The following SUMF1 variants were observed in gnomAD, a reference collection of about 807,000 sequenced individuals.
The protein encoded by SUMF1 is formylglycine-generating enzyme.
A neutral mutation model predicts 47.6 loss-of-function variants in SUMF1; 48 were observed. The ratio of observed to expected loss-of-function variants is 1.01; its 90% CI spans 0.80 to 1.28. The LOEUF (loss-of-function observed/expected upper bound fraction) is 1.28, where lower values mean the gene tolerates loss of function less well. Among genes scored for constraint, SUMF1 ranks in the 50% most tolerant of loss-of-function variants. The pLI, the probability that SUMF1 is intolerant of heterozygous loss-of-function variation, is 0.00. For missense variants in SUMF1, 571 were observed against 485.4 expected, an observed-to-expected ratio of 1.18 and a Z score of -1.66; for synonymous variants, 230 against 192.1, an observed-to-expected ratio of 1.20 and a Z score of -1.63.
intron 8 of SUMF1, chr3:4,313,754 C>G (rs149255014): frequency 6.2e-7 from 1 of 1,614,016 alleles, no homozygotes; most frequent in South Asian, 1.1e-5. Flanking sequence ...AAGCGATTGA[C>G]CCTTGAGGTG....
At chr3:4,364,080 G>C (rs929287102) in intron 8 of SUMF1, among the ~76,000 whole-genome samples, 10 of 133,838 alleles carry the variant, frequency 7.5e-5, no homozygotes, top group African/African-American at 2.7e-4. Flanking sequence ...AAGCCCACTT[G>C]ATCATGGTGG....
At chr3:4,238,388 C>T (rs1216245719) in intron 8 of SUMF1, among the ~76,000 whole-genome samples, 1 of 152,144 alleles carries the variant, frequency 6.6e-6, no homozygotes, top group African/African-American at 2.4e-5. Context: ...TTTACACTCC[C>T]ACCAACAGTG....
At chr3:4,132,339 C>A (rs1440313327) in intron 8 of SUMF1, among the ~76,000 whole-genome samples, 2 of 152,064 alleles carry the variant, frequency 1.3e-5, no homozygotes, top group Non-Finnish European at 2.9e-5. Flanking sequence ...TGTTCCCCAT[C>A]ATTCTGAAGC....
chr3:4,036,768 A>C (rs1425930477), intron 9 of SUMF1, among the ~76,000 whole-genome samples: 1 of 149,016 alleles, frequency 6.7e-6, no homozygotes, highest in African/African-American at 2.5e-5. Flanking sequence ...CTTTGCTTTA[A>C]ATTTTTTTTC....
At chr3:4,396,433 G>A (rs1701040444) in intron 7 of SUMF1, among the ~76,000 whole-genome samples, 2 of 152,340 alleles carry the variant, frequency 1.3e-5, no homozygotes, top group Non-Finnish European at 1.5e-5. Flanking sequence ...TCCACAGGAT[G>A]AGCCCAGGCA....
chr3:4,281,068 A>G (rs535598304), intron 8 of SUMF1, among the ~76,000 whole-genome samples: 1 of 152,258 alleles, frequency 6.6e-6, no homozygotes, highest in East Asian at 1.9e-4. Context: ...AAATCAATCC[A>G]TAACAGCTTG....
chr3:4,184,134 C>T (rs1283586061), intron 8 of SUMF1, among the ~76,000 whole-genome samples: 1 of 146,798 alleles, frequency 6.8e-6, no homozygotes, highest in Non-Finnish European at 1.5e-5. Context: ...GACCCTGTCT[C>T]GAAAAAAAAT....
At chr3:4,085,878 T>C (rs1164887758) in intron 8 of SUMF1, among the ~76,000 whole-genome samples, 1 of 152,112 alleles carries the variant, frequency 6.6e-6, no homozygotes, top group Non-Finnish European at 1.5e-5. Flanking sequence ...TGATTTGATA[T>C]TGTTATCAAT....
intron 8 of SUMF1, among the ~76,000 whole-genome samples, chr3:4,069,115 G>A (rs711676): frequency 0.82 from 125,441 of 152,168 alleles, 53,049 homozygotes; most frequent in Middle Eastern, 0.94. Context: ...CCATTGTTAT[G>A]ACACTGTCCT....
At chr3:4,167,435 A>AGTGCTGATTGGTCCATTTTACAGG (rs1694733536) in intron 8 of SUMF1, among the ~76,000 whole-genome samples, 2 of 152,074 alleles carry the variant, frequency 1.3e-5, no homozygotes, top group Admixed American at 6.6e-5. Flanking sequence ...CATTTTACAG[A>AGTGCTGATTGGTCCATTTTACAGG]GTGCTGATTG....
Position 4,129,754 on chromosome 3 carries a change from CA to C in SUMF1, c.1015-61010del, listed in dbSNP as rs1693741898. Among the ~76,000 whole-genome samples, 4 of 152,084 alleles carry C rather than the reference CA, an allele frequency of 2.6e-5. 1 individual carries two copies. The South Asian group carries it at 8.3e-4, about 32-fold the overall frequency. On this transcript the variant is annotated intron_variant and NMD_transcript_variant, in intron 8 of 12. Coordinates refer to the SUMF1 transcript ENST00000448413. Reference sequence around the variant, plus strand: ...GAGCTGACGCTGATTCCAGGGGAAACAAAACGTCATTGTGGTCCTCCAGTTA... The same window carrying C: ...GAGCTGACGCTGATTCCAGGGGAAACAAACGTCATTGTGGTCCTCCAGTTA...
intron 8 of SUMF1, among the ~76,000 whole-genome samples, chr3:4,091,207 T>C (rs2125053092): frequency 6.6e-6 from 1 of 152,256 alleles, no homozygotes; most frequent in East Asian, 1.9e-4. Context: ...TCAATTAGTT[T>C]CATTATACAT....
At chr3:4,424,415 C>CTCACATTCCACATGACTGTGGA (rs1702001421) in intron 3 of SUMF1, among the ~76,000 whole-genome samples, 5 of 152,168 alleles carry the variant, frequency 3.3e-5, no homozygotes, top group African/African-American at 9.6e-5. Context: ...ATGAGGTGCA[C>CTCACATTCCACATGACTGTGGA]GGTAAGATGG....
At chr3:4,192,804 C>G (rs748830766) in intron 8 of SUMF1, among the ~76,000 whole-genome samples, 6 of 152,048 alleles carry the variant, frequency 3.9e-5, no homozygotes, top group Admixed American at 6.6e-5. Context: ...ATTAATCATG[C>G]CTTTGTAATG....
At chr3:4,249,077 G>A (rs997510344) in intron 8 of SUMF1, among the ~76,000 whole-genome samples, 8 of 152,096 alleles carry the variant, frequency 5.3e-5, no homozygotes, top group South Asian at 2.1e-4. Flanking sequence ...GAGGCACATG[G>A]GGTCACCTGC....
chr3:4,096,953 A>G (rs898342694), intron 8 of SUMF1, among the ~76,000 whole-genome samples: 1 of 152,116 alleles, frequency 6.6e-6, no homozygotes, highest in Non-Finnish European at 1.5e-5. Context: ...ATTCCTGGCA[A>G]CGAAATGAAA....
chr3:4,362,104 C>A lies in SUMF1; in HGVS notation c.*40G>T, dbSNP rs1368408595. 6.3e-7 allele frequency: 1 copy of A among 1,585,398 alleles called. No individual in the cohort carries two copies. Among genetic ancestry groups the A allele is most frequent in the Admixed American group, 1.7e-5 (1 of 59,958 alleles). On this transcript the variant is annotated 3_prime_UTR_variant, in exon 9 of 9. Transcript: ENST00000272902. ...TGAGAAAAGCCCAATGTAGGTCAGA[C>A]ACGACTGCTCCTTGGACTGGGGAAG...
intron 8 of SUMF1, among the ~76,000 whole-genome samples, chr3:4,300,691 TA>T (rs1030131367): frequency 4.0e-4 from 61 of 152,256 alleles, no homozygotes; most frequent in African/African-American, 1.4e-3. Flanking sequence ...AGCAAGTCAC[TA>T]AAAAATGTTT....
intron 8 of SUMF1, among the ~76,000 whole-genome samples, chr3:4,146,404 G>A (rs898058039): frequency 1.6e-5 from 2 of 125,248 alleles, no homozygotes; most frequent in African/African-American, 3.2e-5. Context: ...AGAGAGAGGC[G>A]AGGGGGGGAA....
Sources: gnomAD v4.1 joint callset for allele counts (sites outside exome capture counted in the v4.1 genomes callset) on GRCh38, gnomAD v4.1.1 for gene constraint, MANE v1.5 for transcripts, NCBI Gene and HGNC (gene_info 2026-07-23, HGNC 2026-07-21) for gene names.